The following CREBBP variants were observed in gnomAD, a reference collection of about 807,000 sequenced individuals.
CREBBP encodes CREB-binding protein.
CREBBP carries 19 observed loss-of-function variants against 265.0 expected under a neutral mutation model. The ratio of observed to expected loss-of-function variants is 0.07; its 90% CI spans 0.05 to 0.11. The LOEUF (loss-of-function observed/expected upper bound fraction) is 0.11, where lower values mean the gene tolerates loss of function less well. Among genes scored for constraint, CREBBP ranks in the 10% least tolerant of loss-of-function variants. The probability of loss-of-function intolerance (pLI) is 1.00; values close to 1 mark genes in which losing one functional copy is unlikely to be tolerated. For missense variants in CREBBP, 2,525 were observed against 3,219.0 expected (o/e 0.78, Z 5.22); for synonymous variants, 1,457 against 1,223.7 (o/e 1.19, Z -3.98).
intron 10 of CREBBP, 37 bp from the exon 11 acceptor site, chr16:3,777,694 C>T: frequency 1.2e-6 from 2 of 1,609,180 alleles, no homozygotes; most frequent in African/African-American, 2.7e-5. Context: ...CAAAACCACC[C>T]TAGTTATTTA....
chr16:3,738,904 G>C (rs535196033), intron 25 of CREBBP, among the ~76,000 whole-genome samples: 1 of 152,248 alleles, frequency 6.6e-6, no homozygotes, highest in African/African-American at 2.4e-5. Flanking sequence ...GTACCATCAT[G>C]CCCAGATAAT....
At position 3,726,983 on chromosome 16, in the gene CREBBP, GAAGA is replaced by G. The variant is rs558662947; in HGVS notation, c.*731_*734del. On this transcript the variant is annotated 3_prime_UTR_variant, in exon 31 of 31. Transcript: ENST00000262367. Reference sequence around the variant, plus strand: ...TTTTCCTCATTTCAAGTTTCACATAGAAGAAAGAAAAGAAGGCTTCTTCTCTAGT... The same window carrying G: ...TTTTCCTCATTTCAAGTTTCACATAGAAGAAAAGAAGGCTTCTTCTCTAGT... The G allele has an allele frequency of 7.7e-4, 180 of 233,654 alleles. No individual in the cohort carries two copies. The highest frequency in any genetic ancestry group is 6.1e-3 in the Admixed American group (108 of 17,802). The allele number at this position is 233,654 out of a possible 1,614,324, so 14.5% of individuals were successfully genotyped here.
In CREBBP at chr16:3,725,778, T is replaced by C; in HGVS notation, c.*1940A>G. 4.3e-6 allele frequency: 1 copy of C among 233,260 alleles called. No homozygotes were observed. The highest frequency in any genetic ancestry group is 2.2e-5 in the African/African-American group (1 of 45,458). The allele number at this position is 233,260 out of a possible 1,614,324, so 14.4% of individuals were successfully genotyped here. A position where few individuals can be genotyped will look rare whatever the true frequency, so the allele number is the denominator to read the frequency against. Reference sequence around the variant, plus strand: ...CAAGTATTCAGCTATTTAAAACCTATCTGTGAATGTAAGGGCCCAAACGGA... The same window carrying C: ...CAAGTATTCAGCTATTTAAAACCTACCTGTGAATGTAAGGGCCCAAACGGA... On this transcript the variant is annotated 3_prime_UTR_variant, in exon 31 of 31. Transcript: ENST00000262367.
Position 3,793,441 on chromosome 16 carries a change from G to A in CREBBP, c.1161C>T (p.Thr387=), listed in dbSNP as rs2053544781. The change falls in exon 4 of 31, where the codon ACC becomes ACT. Residue 387 remains threonine (T), a synonymous_variant. Coordinates refer to ENST00000262367, the MANE Select transcript of CREBBP (RefSeq NM_004380.3). ...TCATGTGATTCAAAACGTTTTTCAT[G>A]GTTCGACAATGCGGGAGCGAGCAGG... is the stretch of plus-strand genomic sequence containing the variant. ...VRACSLPHCR[T]MKNVLNHMTH... is the part of the protein sequence containing the mutation. The A allele has an allele frequency of 1.2e-6, 2 of 1,614,002 alleles. No individual in the cohort carries two copies. Among genetic ancestry groups the A allele is most frequent in the Admixed American group, 3.3e-5 (2 of 60,000 alleles).
Position 3,833,322 on chromosome 16 carries a change from G to C in CREBBP, c.798+16975C>G, listed in dbSNP as rs141399654. On this transcript the variant is annotated intron_variant, in intron 2 of 30. Coordinates refer to ENST00000262367, the MANE Select transcript of CREBBP (RefSeq NM_004380.3). ...AGTTACTCAGGAGGCTGAGGCACGAGAATCGCTTGAGCCCCAGAGGTGGAG... is the reference window on the plus strand; with the variant it reads ...AGTTACTCAGGAGGCTGAGGCACGACAATCGCTTGAGCCCCAGAGGTGGAG... Among the ~76,000 whole-genome samples the C allele has an allele frequency of 4.7e-4, 72 of 152,348 alleles. No homozygotes were observed. The South Asian group carries it at 8.1e-3, about 17-fold the overall frequency.
Position 3,731,601 on chromosome 16 carries a change from G to T in CREBBP, c.4891-128C>A. On this transcript the variant is annotated intron_variant, in intron 29 of 30. Transcript: ENST00000262367. The surrounding 1 kb of genome is among the most constrained non-coding windows in gnomAD (Gnocchi z 7.7). ...CTGAGCCTGATGGCCCTGATGCCTT[G>T]GGATGGAACAAAATTGGTGACACGT... 2 of 1,417,088 alleles carry T rather than the reference G, an allele frequency of 1.4e-6. No individual in the cohort carries two copies. Among genetic ancestry groups the T allele is most frequent in the Non-Finnish European group, 2.0e-6 (2 of 1,021,686 alleles). 87.8% of individuals were successfully genotyped at this position (1,417,088 alleles called of 1,614,324 possible).
chr16:3,798,903 C>T (rs2053658572), intron 3 of CREBBP, among the ~76,000 whole-genome samples: 1 of 152,092 alleles, frequency 6.6e-6, no homozygotes, highest in South Asian at 2.1e-4. Flanking sequence ...CAGCCTTTTA[C>T]AAATAGCCAA....
intron 17 of CREBBP, 59 bp downstream of exon 17, chr16:3,758,795 A>G: frequency 3.2e-6 from 4 of 1,241,110 alleles, no homozygotes; most frequent in Non-Finnish European, 4.8e-6. Context: ...GAGATAAAAC[A>G]ATGGACACTC....
In CREBBP at chr16:3,757,688, A is replaced by G. The variant is rs993262172; in HGVS notation, c.3609+121T>C. 9.3e-6 allele frequency: 13 copies of G among 1,398,198 alleles called. No individual in the cohort carries two copies. The East Asian group carries it at 2.6e-4, about 28-fold the overall frequency. The allele number at this position is 1,398,198 out of a possible 1,614,324, so 86.6% of individuals were successfully genotyped here. A position where few individuals can be genotyped will look rare whatever the true frequency, so the allele number is the denominator to read the frequency against. On this transcript the variant is annotated intron_variant, in intron 18 of 30. Coordinates refer to ENST00000262367, the MANE Select transcript of CREBBP (RefSeq NM_004380.3). The stretch of plus-strand genomic sequence containing the variant: ...CATCGCTTCAGGCATCAACTGTGTC[A>G]CCAGACAGCAGATTGCACATATGCA...
Position 3,727,095 on chromosome 16 carries a change from C to T in CREBBP, c.*623G>A, listed in dbSNP as rs778506909. ...CAGAGAAACAAAGCAACAATTTCTA[C>T]ATCTGCAAGACAAGTTTGGCTTCAG... is the stretch of plus-strand genomic sequence containing the variant. On this transcript the variant is annotated 3_prime_UTR_variant, in exon 31 of 31. Transcript: ENST00000262367. 2.3e-4 allele frequency: 53 copies of T among 233,904 alleles called. No individual in the cohort carries two copies. The highest frequency in any genetic ancestry group is 3.5e-4 in the Non-Finnish European group (42 of 118,320). 14.5% of individuals were successfully genotyped at this position (233,904 alleles called of 1,614,324 possible).
chr16:3,736,758 G>A lies in CREBBP; in HGVS notation c.4452C>T (p.Phe1484=), dbSNP rs749161149. The change falls in exon 27 of 31, where the codon TTC becomes TTT. Residue 1484 remains phenylalanine, a synonymous_variant. Coordinates refer to ENST00000262367, the MANE Select transcript of CREBBP (RefSeq NM_004380.3). ...TTTTTTGATCAGGTGGGTGGCAATG[G>A]AAGATGTAATCATCTCCTTCACTTG... ...CPPSEGDDYI[F]HCHPPDQKIP... The A allele has an allele frequency of 2.5e-6, 4 of 1,614,052 alleles. No homozygotes were observed. Among genetic ancestry groups the A allele is most frequent in the Admixed American group, 1.7e-5 (1 of 59,996 alleles).
intron 1 of CREBBP, among the ~76,000 whole-genome samples, chr16:3,867,926 A>T (rs1003704737): frequency 6.6e-6 from 1 of 152,104 alleles, no homozygotes; most frequent in Non-Finnish European, 1.5e-5. Flanking sequence ...ACCCTGTCTC[A>T]AAATAAATAA....
rs983382819 is a variant in CREBBP, at chr16:3,880,117, G to T, written c.-201C>A. 17 of 196,990 alleles carry T rather than the reference G, an allele frequency of 8.6e-5. No individual in the cohort carries two copies. The highest frequency in any genetic ancestry group is 3.6e-4 in the African/African-American group (15 of 41,936). 12.2% of individuals were successfully genotyped at this position (196,990 alleles called of 1,614,324 possible). On this transcript the variant is annotated 5_prime_UTR_variant, in exon 1 of 31. Transcript: ENST00000262367. ...ATCTCAGCCACAGCAACAGCGCCCCGCAGCGCTCACCGCCCGCCCCCGGCC... is the reference window on the plus strand; with the variant it reads ...ATCTCAGCCACAGCAACAGCGCCCCTCAGCGCTCACCGCCCGCCCCCGGCC...
chr16:3,864,727 A>G (rs1243822847), intron 1 of CREBBP, among the ~76,000 whole-genome samples: 1 of 152,244 alleles, frequency 6.6e-6, no homozygotes, highest in Non-Finnish European at 1.5e-5. Context: ...GAGAATCACA[A>G]GCTGAAGAAC....
chr16:3,747,350 C>A (rs1056352949), intron 21 of CREBBP, among the ~76,000 whole-genome samples: 1 of 152,190 alleles, frequency 6.6e-6, no homozygotes, highest in Admixed American at 6.5e-5. Context: ...CTCTGCCTAC[C>A]AACCACCCAC....
chr16:3,761,749 C>A (rs940177802), intron 16 of CREBBP, among the ~76,000 whole-genome samples: 6 of 152,252 alleles, frequency 3.9e-5, no homozygotes, highest in Non-Finnish European at 7.3e-5. Context: ...ACGTGCCCTT[C>A]ACAGTGGGAA....
chr16:3,824,473 A>T (rs141789265), intron 2 of CREBBP, among the ~76,000 whole-genome samples: 203 of 152,386 alleles, frequency 1.3e-3, no homozygotes, highest in Non-Finnish European at 2.5e-3. Context: ...TGGAAAGCTC[A>T]GGAGAGAGCT....
Position 3,734,245 on chromosome 16 carries a change from G to A in CREBBP, c.4728+1791C>T, listed in dbSNP as rs552555454. Reference sequence around the variant, plus strand: ...ATAGCAAAGCAGTGCTCCACCCCACGCACCAGCCCTCACTAAGGCTGACCC... The same window carrying A: ...ATAGCAAAGCAGTGCTCCACCCCACACACCAGCCCTCACTAAGGCTGACCC... On this transcript the variant is annotated intron_variant, in intron 28 of 30. Transcript: ENST00000262367. Among the ~76,000 whole-genome samples the A allele has an allele frequency of 5.3e-5, 8 of 152,228 alleles. No individual in the cohort carries two copies. In the South Asian group the frequency reaches 6.2e-4, roughly 12 times the overall value.
intron 1 of CREBBP, among the ~76,000 whole-genome samples, chr16:3,874,217 A>G (rs1347385440): frequency 6.6e-6 from 1 of 152,254 alleles, no homozygotes; most frequent in Non-Finnish European, 1.5e-5. Context: ...GGAACAAAAA[A>G]GACAGAGAGA....
Sources: allele counts gnomAD v4.1 joint callset (sites outside exome capture counted in the v4.1 genomes callset), GRCh38; gene constraint gnomAD v4.1.1; non-coding constraint Gnocchi (gnomAD v3.1); transcripts MANE v1.5; gene names NCBI Gene and HGNC (gene_info 2026-07-23, HGNC 2026-07-21).